C3: variants seen among roughly 807,000 people sequenced by gnomAD.
The protein encoded by C3 is C3 and PZP-like alpha-2-macroglobulin domain-containing protein 1.
Under a neutral mutation model 207.9 loss-of-function variants are expected in C3, and 97 were observed. The observed-to-expected ratio is 0.47, with a 90% CI of 0.40 to 0.55. C3 has a LOEUF of 0.55. Among genes scored for constraint, C3 ranks in the 20% least tolerant of loss-of-function variants. The pLI is 0.00. For missense variants in C3, 1,684 were observed against 2,171.7 expected, an observed-to-expected ratio of 0.78 and a Z score of 4.46; for synonymous variants, 848 against 857.6, an observed-to-expected ratio of 0.99 and a Z score of 0.20.
rs1218905500 is a variant in C3, at chr19:6,719,254, AC to A, written c.223del (p.Val75CysfsTer2). On this transcript the variant is annotated frameshift_variant, in exon 2 of 41. Coordinates refer to ENST00000245907, the MANE Select transcript of C3 (RefSeq NM_000064.4). LOFTEE classifies it high-confidence loss of function. This position sits in a 1 kb window ranked among gnomAD's most constrained non-coding sequence, Gnocchi z 5.4. ...CATGTGGTTGGTGGCAGGGGTCAGCACAGTCTTCTCACTGGACAGCACTAGT... is the reference window on the plus strand; with the variant it reads ...CATGTGGTTGGTGGCAGGGGTCAGCAAGTCTTCTCACTGGACAGCACTAGT... ...KKLVLSSEKT[V>X]LTPATNHMGN... The A allele has an allele frequency of 6.2e-7, 1 of 1,614,026 alleles. No individual in the cohort carries two copies. Among genetic ancestry groups the A allele is most frequent in the Non-Finnish European group, 8.5e-7 (1 of 1,179,974 alleles).
intron 14 of C3, among the ~76,000 whole-genome samples, chr19:6,709,440 C>G (rs1967856370): frequency 6.7e-6 from 1 of 149,452 alleles, no homozygotes; most frequent in Non-Finnish European, 1.5e-5. Flanking sequence ...GAGAGAGACT[C>G]TGTCTCAAAA....
chr19:6,705,346 TTTTTTTTC>T (rs1375378672), intron 17 of C3, among the ~76,000 whole-genome samples: 4 of 151,254 alleles, frequency 2.6e-5, no homozygotes, highest in Non-Finnish European at 4.4e-5. Context: ...CTCTCTTTTT[TTTTTTTTC>T]TTTTTTGAGA....
intron 4 of C3, chr19:6,717,642 TGTTG>T (rs1307450243): frequency 3.4e-5 from 10 of 290,668 alleles, no homozygotes; most frequent in African/African-American, 2.4e-4. Context: ...TGTGGTTGTG[TGTTG>T]TGTGTGGTGT....
At chr19:6,687,518 G>A (rs1918039986) in intron 27 of C3, among the ~76,000 whole-genome samples, 1 of 152,180 alleles carries the variant, frequency 6.6e-6, no homozygotes. Flanking sequence ...AAGTGGCAGA[G>A]TTAGGATCCA....
intron 19 of C3, among the ~76,000 whole-genome samples, chr19:6,698,771 A>G (rs1368530566): frequency 1.3e-5 from 2 of 152,012 alleles, no homozygotes; most frequent in Non-Finnish European, 2.9e-5. Flanking sequence ...ATGAAACACC[A>G]CTGAATTATA....
chr19:6,702,305 T>C, intron 18 of C3, 93 bp from the exon 19 acceptor site: 1 of 984,888 alleles, frequency 1.0e-6, no homozygotes, highest in Non-Finnish European at 1.6e-6. Flanking sequence ...AGGGACAGGC[T>C]GGAAGGGTCT....
At position 6,707,550 on chromosome 19, in the gene C3, C is replaced by T. The variant is rs919133503; in HGVS notation, c.1976-13G>A. 7.4e-6 allele frequency: 12 copies of T among 1,613,768 alleles called. No homozygotes were observed. Among genetic ancestry groups the T allele is most frequent in the Non-Finnish European group, 9.3e-6 (11 of 1,179,882 alleles). On this transcript the variant is annotated splice_polypyrimidine_tract_variant and intron_variant, in intron 15 of 40. Transcript: ENST00000245907. ...GGGCACTGAAGTTCTGCAGGGCAGG[C>T]GGACCGAGAAGAAGATGGATGAGGC... is the stretch of plus-strand genomic sequence containing the variant.
At position 6,692,987 on chromosome 19, in the gene C3, C is replaced by T. The variant is rs1173759265; in HGVS notation, c.3327G>A (p.Leu1109=). ...AGACCCCGTCGGGCTTCTGCTTCTC[C>T]AGGATCAGCCATTTAACAGCCCCGC... The part of the protein sequence containing the change: ...VLCGAVKWLI[L]EKQKPDGVFQ... The change falls in exon 26 of 41, where the codon CTG becomes CTA. Residue 1109 remains leucine, a synonymous_variant. Transcript: ENST00000245907. The T allele has an allele frequency of 1.2e-6, 2 of 1,614,218 alleles. No individual in the cohort carries two copies. The highest frequency in any genetic ancestry group is 2.2e-5 in the East Asian group (1 of 44,882).
intron 14 of C3, 44 bp downstream of exon 14, chr19:6,709,640 G>A (rs768225575): frequency 7.8e-6 from 5 of 641,806 alleles, no homozygotes; most frequent in African/African-American, 2.8e-5. Flanking sequence ...CCCCAGCTCC[G>A]TGCCTCCGCC....
At chr19:6,701,530 T>C (rs925666451) in intron 19 of C3, among the ~76,000 whole-genome samples, 13 of 152,208 alleles carry the variant, frequency 8.5e-5, no homozygotes, top group Non-Finnish European at 1.8e-4. Context: ...TCACTTTTTA[T>C]TTATTTAGAG....
chr19:6,718,869 C>T (rs937471055), intron 2 of C3, among the ~76,000 whole-genome samples: 2 of 125,594 alleles, frequency 1.6e-5, no homozygotes, highest in Non-Finnish European at 3.3e-5. Flanking sequence ...GGGGAGGAAC[C>T]TCAGAAGGGG....
chr19:6,699,473 C>G (rs1434500206), intron 19 of C3, among the ~76,000 whole-genome samples: 1 of 152,110 alleles, frequency 6.6e-6, no homozygotes, highest in Non-Finnish European at 1.5e-5. Flanking sequence ...CGCGGTGGCT[C>G]ACGCCTGTAA....
At chr19:6,709,619 A>ACCCCCCCCCCCCCCCCC in intron 14 of C3, 65 bp downstream of exon 14, 1 of 432,324 alleles carries the variant, frequency 2.3e-6, no homozygotes, top group Admixed American at 3.2e-5. Flanking sequence ...AGTCCCACCC[A>ACCCCCCCCCCCCCCCCC]CCTCCCCCAG....
intron 33 of C3, chr19:6,683,348 C>G (rs1490380851): frequency 1.3e-5 from 2 of 151,364 alleles, no homozygotes; most frequent in African/African-American, 4.8e-5. Flanking sequence ...ACAAATACAC[C>G]TTGCATCTCA....
In C3 at chr19:6,718,333, A is replaced by G; in HGVS notation, c.347T>C (p.Val116Ala). Residue 116 changes from valine to alanine, a missense_variant, in exon 3 of 41, where the codon GTG becomes GCG. By Grantham distance (64) the Val-to-Ala change is moderately conservative. Around this residue, in one of 3 missense-constraint regions of C3, gnomAD observed 1,280 missense variants for 1,739.1 expected, o/e 0.74. Coordinates refer to ENST00000245907, the MANE Select transcript of C3 (RefSeq NM_000064.4). ...GCTGACCAGCACCACCTTCTCCACCACTTGGGTCCCGAAGGTGGCCTGCAC... is the reference window on the plus strand; with the variant it reads ...GCTGACCAGCACCACCTTCTCCACCGCTTGGGTCCCGAAGGTGGCCTGCAC... The part of the protein sequence containing the change: ...VTVQATFGTQ[V>A]VEKVVLVSLQ... The G allele has an allele frequency of 3.1e-6, 5 of 1,614,208 alleles. No homozygotes were observed. The highest frequency in any genetic ancestry group is 2.7e-5 in the African/African-American group (2 of 75,058).
At position 6,679,242 on chromosome 19, in the gene C3, C is replaced by T. The variant is rs372710787; in HGVS notation, c.4547-34G>A. 7.0e-6 allele frequency: 11 copies of T among 1,580,938 alleles called. No homozygotes were observed. The African/African-American group carries it at 1.5e-4, about 21-fold the overall frequency. ...TGGGGTGGAGACAGGGTCTAAGTCCCACTCCTTATCTGGGGCCTACTGCCC... is the reference window on the plus strand; with the variant it reads ...TGGGGTGGAGACAGGGTCTAAGTCCTACTCCTTATCTGGGGCCTACTGCCC... On this transcript the variant is annotated intron_variant, in intron 37 of 40. Transcript: ENST00000245907.
At chr19:6,679,065 C>A (rs1917791048) in intron 38 of C3, 60 bp downstream of exon 38, 2 of 1,311,038 alleles carry the variant, frequency 1.5e-6, no homozygotes, top group South Asian at 1.2e-5. Flanking sequence ...ACCTACCACC[C>A]ACCACACAAT....
At chr19:6,685,240 A>T (rs945568225) in intron 29 of C3, 94 bp from the exon 30 acceptor site, 2 of 1,203,498 alleles carry the variant, frequency 1.7e-6, no homozygotes. Context: ...CAGAGCTGGG[A>T]CATCAAAATG....
chr19:6,698,163 C>T (rs11883407), intron 19 of C3, among the ~76,000 whole-genome samples: 6,356 of 151,966 alleles, frequency 0.042, 439 homozygotes, highest in African/African-American at 0.15. Flanking sequence ...ACTGCAGGCA[C>T]GCACCACCAT....
Sources: allele counts gnomAD v4.1 joint callset (sites outside exome capture counted in the v4.1 genomes callset), GRCh38; gene constraint gnomAD v4.1.1; regional missense constraint gnomAD v4.1.1; non-coding constraint Gnocchi (gnomAD v3.1); transcripts MANE v1.5; gene names NCBI Gene and HGNC (gene_info 2026-07-23, HGNC 2026-07-21).